The following ZFHX2 variants were observed in gnomAD, a reference collection of about 807,000 sequenced individuals.
ZFHX2 encodes the protein zinc finger homeobox 2.
ZFHX2 carries 75 observed loss-of-function variants against 164.8 expected under a neutral mutation model. That is an observed-to-expected ratio of 0.46 (90% CI 0.38 to 0.55). ZFHX2 has a LOEUF of 0.55. ZFHX2 is among the 20% of genes least tolerant of loss of function. The pLI, the probability that ZFHX2 is intolerant of heterozygous loss-of-function variation, is 0.00. For synonymous variants in ZFHX2, 1,217 were observed against 1,351.4 expected, an observed-to-expected ratio of 0.90 and a Z score of 2.18; for missense variants, 2,933 against 3,308.0, an observed-to-expected ratio of 0.89 and a Z score of 2.78.
chr14:23,555,549 C>G (rs1882292256), upstream of ZFHX2, among the ~76,000 whole-genome samples: 1 of 152,192 alleles, frequency 6.6e-6, no homozygotes. Flanking sequence ...GGCCAAAATA[C>G]CACTTTATTC....
intron 6 of ZFHX2, chr14:23,528,815 C>T: frequency 1.0e-6 from 1 of 985,426 alleles, no homozygotes. Flanking sequence ...GGTGAGGCTG[C>T]CAGAGGCCCC....
At chr14:23,539,653 G>C (rs1308623769) in intron 1 of ZFHX2, among the ~76,000 whole-genome samples, 2 of 152,196 alleles carry the variant, frequency 1.3e-5, no homozygotes, top group Non-Finnish European at 2.9e-5. Flanking sequence ...GTGGATTCAG[G>C]CTGGCCGGCA....
intron 1 of ZFHX2, among the ~76,000 whole-genome samples, chr14:23,541,607 T>C (rs1294168002): frequency 6.6e-6 from 1 of 152,192 alleles, no homozygotes; most frequent in Non-Finnish European, 1.5e-5. Flanking sequence ...TCTAGTCTAC[T>C]CAGCCATAGA....
Position 23,521,014 on chromosome 14 carries a change from G to A in ZFHX2, c.*948C>T, listed in dbSNP as rs185650745. Reference sequence around the variant, plus strand: ...TGGTTGTGTTTCAGTTTTTTTTTTTGAAAGAACTTTGGATTTGCCGTTGGT... The same window carrying A: ...TGGTTGTGTTTCAGTTTTTTTTTTTAAAAGAACTTTGGATTTGCCGTTGGT... On this transcript the variant is annotated 3_prime_UTR_variant, in exon 10 of 10. Coordinates refer to ENST00000419474, the MANE Select transcript of ZFHX2 (RefSeq NM_033400.3). 4,334 of 147,702 alleles carry A rather than the reference G, an allele frequency of 0.029. 74 individuals are homozygous for A. The highest frequency in any genetic ancestry group is 0.041 in the African/African-American group (1,627 of 40,004). The allele number at this position is 147,702 out of a possible 1,614,324, so 9.1% of individuals were successfully genotyped here.
At chr14:23,528,390 C>T (rs1236561096) in intron 6 of ZFHX2, among the ~76,000 whole-genome samples, 1 of 152,212 alleles carries the variant, frequency 6.6e-6, no homozygotes, top group Non-Finnish European at 1.5e-5. Flanking sequence ...CCTGGCCTCT[C>T]TGCCTTTTCT....
chr14:23,529,641 TAGAATATG>T (rs1879271229), intron 6 of ZFHX2, 61 bp downstream of exon 6: 1 of 1,404,362 alleles, frequency 7.1e-7, no homozygotes, highest in South Asian at 1.2e-5. Flanking sequence ...CGTCTGCCTT[TAGAATATG>T]AGCAGATCTC....
Position 23,531,544 on chromosome 14 carries a change from C to G in ZFHX2, c.2737G>C (p.Glu913Gln), listed in dbSNP as rs1157182183. 6.6e-7 allele frequency: 1 copy of G among 1,519,456 alleles called. No individual in the cohort carries two copies. The highest frequency in any genetic ancestry group is 8.8e-7 in the Non-Finnish European group (1 of 1,136,404). 94.1% of individuals were successfully genotyped at this position (1,519,456 alleles called of 1,614,324 possible). ...CTCTGAAGAGCTGCGAGTCCTTCCT[C>G]AGTGGTTGGGCCATTCTGTAGCAGC... ...LQLLQNGPTT[E>Q]EGLAALQSIL... The change falls in exon 4 of 10, where the codon GAG becomes CAG. Residue 913 changes from glutamate (E) to glutamine (Q), a missense_variant. Glu to Gln is a conservative substitution (Grantham distance 29). Coordinates refer to ENST00000419474, the MANE Select transcript of ZFHX2 (RefSeq NM_033400.3).
At chr14:23,554,372 T>C (rs777391747), upstream of ZFHX2, among the ~76,000 whole-genome samples, 26 of 152,060 alleles carry the variant, frequency 1.7e-4, no homozygotes, top group Non-Finnish European at 3.5e-4. Context: ...AAGTTCAAGA[T>C]GCCATTTGTT....
rs1326543171 is a variant in ZFHX2, at chr14:23,551,017, T to C, written c.-50+326A>G. ...CCAACTCGGCGCGGTCCGTCTAGGCTTTCCATACCCTTCGTCTGTCCGGCG... is the reference window on the plus strand; with the variant it reads ...CCAACTCGGCGCGGTCCGTCTAGGCCTTCCATACCCTTCGTCTGTCCGGCG... On this transcript the variant is annotated intron_variant, in intron 1 of 9. Transcript: ENST00000419474. This position sits in a 1 kb window ranked among gnomAD's most constrained non-coding sequence, Gnocchi z 5.3. Among the ~76,000 whole-genome samples, 1 of 151,498 alleles carries C rather than the reference T, an allele frequency of 6.6e-6. No individual in the cohort carries two copies. The highest frequency in any genetic ancestry group is 2.4e-5 in the African/African-American group (1 of 41,144).
At chr14:23,552,668 C>T (rs1211318433), upstream of ZFHX2, among the ~76,000 whole-genome samples, 1 of 151,978 alleles carries the variant, frequency 6.6e-6, no homozygotes, top group Non-Finnish European at 1.5e-5. Context: ...GTGGCATGAT[C>T]CCGGCTCACT....
upstream of ZFHX2, among the ~76,000 whole-genome samples, chr14:23,553,816 C>A (rs1297149819): frequency 1.3e-5 from 2 of 152,144 alleles, no homozygotes; most frequent in African/African-American, 4.8e-5. Context: ...ATGGCATGAA[C>A]CCTGGAGGCG....
chr14:23,544,985 G>A (rs963932602), intron 1 of ZFHX2, among the ~76,000 whole-genome samples: 1 of 150,566 alleles, frequency 6.6e-6, no homozygotes, highest in African/African-American at 2.4e-5. Context: ...CTCCCTTCCC[G>A]CTTCTCTCTT....
At position 23,523,268 on chromosome 14, in the gene ZFHX2, G is replaced by C; in HGVS notation, c.6674C>G (p.Pro2225Arg). 9 of 1,436,636 alleles carry C rather than the reference G, an allele frequency of 6.3e-6. No individual in the cohort carries two copies. In the South Asian group the frequency reaches 1.0e-4, roughly 17 times the overall value. 89.0% of individuals were successfully genotyped at this position (1,436,636 alleles called of 1,614,324 possible). The change falls in exon 9 of 10, where the codon CCG becomes CGG. Residue 2225 changes from proline (P) to arginine (R), a missense_variant. By Grantham distance (103) the Pro-to-Arg change is moderately radical. Coordinates refer to ENST00000419474, the MANE Select transcript of ZFHX2 (RefSeq NM_033400.3). This position sits in a 1 kb window ranked among gnomAD's most constrained non-coding sequence, Gnocchi z 4.1. Reference sequence around the variant, plus strand: ...CAGAGCTGGGCCAGATAAGAGGACCGGCGCCAGGCGAGGCAAGGTTGGGGC... The same window carrying C: ...CAGAGCTGGGCCAGATAAGAGGACCCGCGCCAGGCGAGGCAAGGTTGGGGC... Reference protein sequence around the residue: ...GAAPTLPRLAPVLLSGPALAQ... With the variant: ...GAAPTLPRLARVLLSGPALAQ...
intron 3 of ZFHX2, 148 bp downstream of exon 3, chr14:23,532,419 C>T (rs1188506283): frequency 2.7e-5 from 26 of 961,830 alleles, no homozygotes; most frequent in Admixed American, 3.6e-5. Flanking sequence ...ACTTTGTTAC[C>T]CTGGTACATA....
At position 23,525,939 on chromosome 14, in the gene ZFHX2, A is replaced by G; in HGVS notation, c.4003T>C (p.Phe1335Leu). Reference protein sequence around the residue: ...PPPPPLDLHRFPAPLFTPPVL... With the variant: ...PPPPPLDLHRLPAPLFTPPVL... ...GGTGGGGTGAAGAGAGGGGCTGGGA[A>G]TCGGTGCAGGTCCAAGGGAGGTGGG... The change falls in exon 9 of 10, where the codon TTC becomes CTC. Residue 1335 changes from phenylalanine (F) to leucine (L), a missense_variant. Physicochemically the swap from Phe to Leu is conservative, Grantham distance 22. Coordinates refer to ENST00000419474, the MANE Select transcript of ZFHX2 (RefSeq NM_033400.3). This position sits in a 1 kb window ranked among gnomAD's most constrained non-coding sequence, Gnocchi z 5.9. The G allele has an allele frequency of 6.8e-7, 1 of 1,471,826 alleles. No individual in the cohort carries two copies. The highest frequency in any genetic ancestry group is 9.0e-7 in the Non-Finnish European group (1 of 1,114,688). 91.2% of individuals were successfully genotyped at this position (1,471,826 alleles called of 1,614,324 possible).
At position 23,526,491 on chromosome 14, in the gene ZFHX2, C is replaced by T. The variant is rs1456987467; in HGVS notation, c.3451G>A (p.Glu1151Lys). 6.5e-7 allele frequency: 1 copy of T among 1,536,058 alleles called. No individual in the cohort carries two copies. The change falls in exon 9 of 10, where the codon GAG (glutamate) becomes AAG (lysine). Residue 1151 changes from glutamate to lysine, a missense_variant. By Grantham distance (56) the Glu-to-Lys change is moderately conservative. Coordinates refer to ENST00000419474, the MANE Select transcript of ZFHX2 (RefSeq NM_033400.3). ...GAGCGGAGCTCCCCAGTGGTCCCCT[C>T]TTCCTCCTCAGCCATGGTGGGCGGA... The part of the protein sequence containing the change: ...APPPTMAEEE[E>K]GTTGELRSAE...
rs1878720326 is a variant in ZFHX2 at position 23,526,425 on chromosome 14, A to G, written c.3517T>C (p.Tyr1173His). The G allele has an allele frequency of 6.5e-7, 1 of 1,536,110 alleles. No homozygotes were observed. Among genetic ancestry groups the G allele is most frequent in the Non-Finnish European group, 8.7e-7 (1 of 1,146,760 alleles). Reference sequence around the variant, plus strand: ...AGGGCAAAGTTGGTGGTTTTCCGATAGGTCAGAGGGTGGCGAGAGTCAGCT... The same window carrying G: ...AGGGCAAAGTTGGTGGTTTTCCGATGGGTCAGAGGGTGGCGAGAGTCAGCT... ...APADSRHPLT[Y>H]RKTTNFALDK... Residue 1173 changes from tyrosine (Y) to histidine (H), a missense_variant, in exon 9 of 10, where the codon TAT (tyrosine) becomes CAT (histidine). Transcript: ENST00000419474.
At position 23,523,099 on chromosome 14, in the gene ZFHX2, C is replaced by T. The variant is rs1458328849; in HGVS notation, c.6739+104G>A. On this transcript the variant is annotated intron_variant, in intron 9 of 9. Coordinates refer to ENST00000419474, the MANE Select transcript of ZFHX2 (RefSeq NM_033400.3). The surrounding 1 kb of genome is among the most constrained non-coding windows in gnomAD (Gnocchi z 4.1). ...CCCAAGAGCCTGATGCAAAGGAAGGCCACAGGAGATTGGGCATGGGAAGAA... is the reference window on the plus strand; with the variant it reads ...CCCAAGAGCCTGATGCAAAGGAAGGTCACAGGAGATTGGGCATGGGAAGAA... 1.4e-6 allele frequency: 2 copies of T among 1,404,974 alleles called. No homozygotes were observed. Among genetic ancestry groups the T allele is most frequent in the East Asian group, 5.2e-5 (2 of 38,392 alleles). 87.0% of individuals were successfully genotyped at this position (1,404,974 alleles called of 1,614,324 possible). A position where few individuals can be genotyped will look rare whatever the true frequency, so the allele number is the denominator to read the frequency against.
chr14:23,523,292 G>C lies in ZFHX2; in HGVS notation c.6650C>G (p.Ala2217Gly). 6.2e-6 allele frequency: 9 copies of C among 1,441,710 alleles called. No homozygotes were observed. Among genetic ancestry groups the C allele is most frequent in the Non-Finnish European group, 7.3e-6 (8 of 1,102,478 alleles). 89.3% of individuals were successfully genotyped at this position (1,441,710 alleles called of 1,614,324 possible). A position where few individuals can be genotyped will look rare whatever the true frequency, so the allele number is the denominator to read the frequency against. ...CGGCGCCAGGCGAGGCAAGGTTGGG[G>C]CAGCCCCGAGGGGCATGGAGGCAGG... is the stretch of plus-strand genomic sequence containing the variant. Reference protein sequence around the residue: ...TTPASMPLGAAPTLPRLAPVL... With the variant: ...TTPASMPLGAGPTLPRLAPVL... The change falls in exon 9 of 10, where the codon GCC becomes GGC. Residue 2217 changes from alanine to glycine, a missense_variant. Coordinates refer to ENST00000419474, the MANE Select transcript of ZFHX2 (RefSeq NM_033400.3). The surrounding 1 kb of genome is among the most constrained non-coding windows in gnomAD (Gnocchi z 4.1).
Sources: allele counts gnomAD v4.1 joint callset (sites outside exome capture counted in the v4.1 genomes callset), GRCh38; gene constraint gnomAD v4.1.1; non-coding constraint Gnocchi (gnomAD v3.1); transcripts MANE v1.5; gene names NCBI Gene and HGNC (gene_info 2026-07-23, HGNC 2026-07-21).